The following SDCCAG8 variants were observed in gnomAD, a reference collection of about 807,000 sequenced individuals.
The protein encoded by SDCCAG8 is serologically defined colon cancer antigen 8.
Under a neutral mutation model 101.8 loss-of-function variants are expected in SDCCAG8, and 74 were observed. That is an observed-to-expected ratio of 0.73 (90% CI 0.60 to 0.88). The LOEUF (loss-of-function observed/expected upper bound fraction) is 0.88, where lower values mean the gene tolerates loss of function less well. Among genes scored for constraint, SDCCAG8 ranks in the 40% least tolerant of loss-of-function variants. The probability of loss-of-function intolerance (pLI) is 0.00; values close to 1 mark genes in which losing one functional copy is unlikely to be tolerated. For missense variants in SDCCAG8, 787 were observed against 822.6 expected, an observed-to-expected ratio of 0.96 and a Z score of 0.53; for synonymous variants, 281 against 292.9, an observed-to-expected ratio of 0.96 and a Z score of 0.41.
intron 16 of SDCCAG8, among the ~76,000 whole-genome samples, chr1:243,430,234 T>G (rs2081633385): frequency 6.6e-6 from 1 of 151,978 alleles, no homozygotes; most frequent in African/African-American, 2.4e-5. Context: ...TATCTGGCCC[T>G]CTCCTAAAAA....
At chr1:243,367,862 T>C (rs1272755023) in intron 12 of SDCCAG8, among the ~76,000 whole-genome samples, 1 of 151,614 alleles carries the variant, frequency 6.6e-6, no homozygotes. Flanking sequence ...TGGAAAATGA[T>C]TTTTTCTTTC....
chr1:243,399,695 C>T (rs1470940523), intron 13 of SDCCAG8, among the ~76,000 whole-genome samples: 7 of 151,910 alleles, frequency 4.6e-5, no homozygotes, highest in Admixed American at 6.6e-5. Context: ...TTAGTAGAGA[C>T]GAGATTTCAC....
chr1:243,341,180 A>G lies in SDCCAG8; in HGVS notation c.1356+7A>G. On this transcript the variant is annotated splice_region_variant and intron_variant, in intron 11 of 17. Transcript: ENST00000366541. ...GGAAATGGATGTCACAAAGGTACAG[A>G]AAGAGATTTTAGTGTAATCGTTACT... 6.2e-7 allele frequency: 1 copy of G among 1,613,882 alleles called. No individual in the cohort carries two copies.
At chr1:243,388,723 A>T (rs181912794) in intron 13 of SDCCAG8, among the ~76,000 whole-genome samples, 8 of 152,010 alleles carry the variant, frequency 5.3e-5, no homozygotes, top group Non-Finnish European at 8.8e-5. Flanking sequence ...AAAATTAAAA[A>T]ATTAGCCAGG....
intron 3 of SDCCAG8, 33 bp from the exon 4 acceptor site, chr1:243,274,510 T>C (rs779671745): frequency 6.4e-6 from 8 of 1,247,944 alleles, no homozygotes; most frequent in Middle Eastern, 5.2e-4. Context: ...AATTTATGTA[T>C]TTATGTATTT....
At chr1:243,466,625 T>G (rs1474020582) in intron 16 of SDCCAG8, among the ~76,000 whole-genome samples, 1 of 152,226 alleles carries the variant, frequency 6.6e-6, no homozygotes, top group Non-Finnish European at 1.5e-5. Context: ...GCAGGGCACA[T>G]AGTAAGTACT....
intron 16 of SDCCAG8, among the ~76,000 whole-genome samples, chr1:243,427,216 G>T (rs558552481): frequency 3.8e-4 from 58 of 152,238 alleles, no homozygotes; most frequent in African/African-American, 1.3e-3. Context: ...GAAGAAATTC[G>T]GCTCAGAGAG....
intron 17 of SDCCAG8, among the ~76,000 whole-genome samples, chr1:243,499,199 A>ATT (rs1668871810): frequency 1.3e-5 from 2 of 152,226 alleles, no homozygotes; most frequent in Non-Finnish European, 2.9e-5. Context: ...TAAAACTAAG[A>ATT]GACCTCAGTA....
intron 16 of SDCCAG8, among the ~76,000 whole-genome samples, chr1:243,464,804 G>C (rs1390506001): frequency 6.6e-6 from 1 of 152,210 alleles, no homozygotes; most frequent in Admixed American, 6.5e-5. Flanking sequence ...CTTCCTGCTG[G>C]ATGACCCACT....
chr1:243,319,832 A>C (rs1318291490), intron 9 of SDCCAG8, among the ~76,000 whole-genome samples: 1 of 152,178 alleles, frequency 6.6e-6, no homozygotes, highest in Admixed American at 6.5e-5. Context: ...AACATCCTGC[A>C]TGAACTGAAA....
intron 12 of SDCCAG8, among the ~76,000 whole-genome samples, chr1:243,374,475 T>C (rs2077477311): frequency 6.6e-6 from 1 of 152,068 alleles, no homozygotes; most frequent in Non-Finnish European, 1.5e-5. Flanking sequence ...ATAGACCAAG[T>C]ACTAAGAATC....
chr1:243,335,122 A>G (rs2074907912), intron 10 of SDCCAG8, among the ~76,000 whole-genome samples: 1 of 152,202 alleles, frequency 6.6e-6, no homozygotes, highest in South Asian at 2.1e-4. Context: ...AAAAGAAAAA[A>G]GTCCCTATGC....
intron 12 of SDCCAG8, among the ~76,000 whole-genome samples, chr1:243,348,022 ATTTTTTTTTTTTTTC>A (rs2075823533): frequency 1.7e-5 from 2 of 117,066 alleles, no homozygotes; most frequent in African/African-American, 6.5e-5. Context: ...CTGGACATGC[ATTTTTTTTTTTTTTC>A]TTTTTTTTTT....
At chr1:243,410,719 C>CA (rs772990325) in intron 13 of SDCCAG8, among the ~76,000 whole-genome samples, 34 of 152,132 alleles carry the variant, frequency 2.2e-4, no homozygotes, top group Non-Finnish European at 4.1e-4. Context: ...ATCTGCTTAA[C>CA]AAATCATTTT....
At chr1:243,354,555 A>G (rs2076279676) in intron 12 of SDCCAG8, among the ~76,000 whole-genome samples, 1 of 152,228 alleles carries the variant, frequency 6.6e-6, no homozygotes, top group Non-Finnish European at 1.5e-5. Context: ...GCAAACTGTC[A>G]AAGGTAGTAT....
intron 1 of SDCCAG8, among the ~76,000 whole-genome samples, chr1:243,268,618 T>C (rs561076194): frequency 6.6e-6 from 1 of 152,338 alleles, no homozygotes; most frequent in African/African-American, 2.4e-5. Flanking sequence ...ATGTTTTCTT[T>C]TATCAAAGTA....
At chr1:243,482,904 T>C (rs1440932300) in intron 16 of SDCCAG8, among the ~76,000 whole-genome samples, 1 of 152,118 alleles carries the variant, frequency 6.6e-6, no homozygotes, top group African/African-American at 2.4e-5. Context: ...GATTCTGTGT[T>C]TCCTGCCGCA....
At chr1:243,440,909 G>A (rs2082491453) in intron 16 of SDCCAG8, among the ~76,000 whole-genome samples, 1 of 152,104 alleles carries the variant, frequency 6.6e-6, no homozygotes, top group African/African-American at 2.4e-5. Flanking sequence ...GTCAATGTTT[G>A]GTTTTGTGAT....
At chr1:243,281,540 A>C (rs993168513) in intron 4 of SDCCAG8, among the ~76,000 whole-genome samples, 2 of 151,652 alleles carry the variant, frequency 1.3e-5, no homozygotes, top group East Asian at 3.9e-4. Context: ...ATATTTAAAG[A>C]GATTATTGTT....
Sources: allele counts gnomAD v4.1 joint callset (sites outside exome capture counted in the v4.1 genomes callset), GRCh38; gene constraint gnomAD v4.1.1; transcripts MANE v1.5; gene names NCBI Gene and HGNC (gene_info 2026-07-23, HGNC 2026-07-21).